OPCML: variants seen among roughly 807,000 people sequenced by gnomAD.
OPCML encodes opioid-binding protein/cell adhesion molecule.
In OPCML, 13 loss-of-function variants were observed where a neutral mutation model predicts 37.8. The observed-to-expected ratio is 0.34, with a 90% CI of 0.22 to 0.55. The LOEUF (loss-of-function observed/expected upper bound fraction) is 0.55, where lower values mean the gene tolerates loss of function less well. Among genes scored for constraint, OPCML ranks in the 20% least tolerant of loss-of-function variants. OPCML has a pLI of 0.91. For missense variants in OPCML, 341 were observed against 435.6 expected, an observed-to-expected ratio of 0.78 and a Z score of 1.93; for synonymous variants, 176 against 168.8, an observed-to-expected ratio of 1.04 and a Z score of -0.33.
intron 1 of OPCML, among the ~76,000 whole-genome samples, chr11:133,495,903 A>C (rs1947776140): frequency 6.6e-6 from 1 of 152,066 alleles, no homozygotes; most frequent in Non-Finnish European, 1.5e-5. Flanking sequence ...GCTTTTGTTT[A>C]ATTAGGTCCC....
At chr11:132,655,153 G>A (rs572877600) in intron 3 of OPCML, among the ~76,000 whole-genome samples, 7 of 152,332 alleles carry the variant, frequency 4.6e-5, no homozygotes, top group African/African-American at 1.4e-4. Flanking sequence ...AAAAGGGATA[G>A]GCTTGCTCTG....
chr11:132,982,015 C>T (rs1157584554), intron 1 of OPCML, among the ~76,000 whole-genome samples: 1 of 152,162 alleles, frequency 6.6e-6, no homozygotes, highest in African/African-American at 2.4e-5. Flanking sequence ...AAACCCAGAA[C>T]TCTTTCCAAT....
At chr11:133,329,486 A>G (rs1592206912) in intron 1 of OPCML, among the ~76,000 whole-genome samples, 1 of 152,202 alleles carries the variant, frequency 6.6e-6, no homozygotes, top group African/African-American at 2.4e-5. Context: ...CAAAACAGAG[A>G]TATAGACCAA....
At chr11:132,737,755 C>G (rs1006616516) in intron 2 of OPCML, among the ~76,000 whole-genome samples, 2 of 152,120 alleles carry the variant, frequency 1.3e-5, no homozygotes, top group Admixed American at 6.5e-5. Context: ...ACATTCTAAA[C>G]AGCAACAAAA....
chr11:132,961,546 G>C (rs1946093976), intron 1 of OPCML, among the ~76,000 whole-genome samples: 1 of 152,180 alleles, frequency 6.6e-6, no homozygotes, highest in African/African-American at 2.4e-5. Context: ...ACTGATGTGA[G>C]ATGTAATTCT....
Position 133,205,830 on chromosome 11 carries a change from AAG to A in OPCML, c.62-262822_62-262821del, listed in dbSNP as rs1474488021. On this transcript the variant is annotated intron_variant, in intron 1 of 7. Transcript: ENST00000524381. This position sits in a 1 kb window ranked among gnomAD's most constrained non-coding sequence, Gnocchi z 4.8. ...AGAGTAAAGCGCGGTGTGAATGAGC[AAG>A]AGTTTTGGATTCCAACAAGCCAGGG... Among the ~76,000 whole-genome samples the A allele has an allele frequency of 4.6e-5, 7 of 152,340 alleles. No homozygotes were observed. The highest frequency in any genetic ancestry group is 1.4e-4 in the African/African-American group (6 of 41,580).
Position 132,592,754 on chromosome 11 carries a change from A to G in OPCML, c.380-63568T>C, listed in dbSNP as rs528242704. Among the ~76,000 whole-genome samples the G allele has an allele frequency of 9.5e-4, 144 of 152,350 alleles. 3 individuals carry two copies. The South Asian group carries it at 0.029, about 31-fold the overall frequency. On this transcript the variant is annotated intron_variant, in intron 3 of 7. Coordinates refer to ENST00000524381, the MANE Select transcript of OPCML (RefSeq NM_001012393.5). ...CAAAAAAAGGAGTGGTCCAGAATGT[A>G]CAAAGATCAAAGGAAGACCCACCAA... is the stretch of plus-strand genomic sequence containing the variant.
chr11:132,420,561 G>T (rs963631425), intron 7 of OPCML, among the ~76,000 whole-genome samples: 23 of 152,200 alleles, frequency 1.5e-4, no homozygotes, highest in African/African-American at 5.3e-4. Context: ...AGGCCCGTGG[G>T]CCCAAAGGTT....
At chr11:132,668,743 A>G (rs1942330762) in intron 2 of OPCML, among the ~76,000 whole-genome samples, 1 of 152,188 alleles carries the variant, frequency 6.6e-6, no homozygotes, top group Non-Finnish European at 1.5e-5. Flanking sequence ...ATGTGGTATT[A>G]ATCAGAAATA....
chr11:132,652,095 C>T lies in OPCML; in HGVS notation c.379+4992G>A, dbSNP rs71485750. Among the ~76,000 whole-genome samples the T allele has an allele frequency of 3.3e-3, 500 of 152,256 alleles. 3 individuals are homozygous for T. The highest frequency in any genetic ancestry group is 6.0e-3 in the Non-Finnish European group (406 of 68,028). On this transcript the variant is annotated intron_variant, in intron 3 of 7. Transcript: ENST00000524381. ...GAAGAGCTCATGACAGTTAGAATGA[C>T]AATGAGATTCTGGATCCACAGAGGG...
chr11:133,017,118 G>C (rs1164465563), intron 1 of OPCML, among the ~76,000 whole-genome samples: 2 of 152,166 alleles, frequency 1.3e-5, no homozygotes, highest in Non-Finnish European at 2.9e-5. Context: ...TTGGCTTACA[G>C]ATAGCCATCA....
At chr11:133,105,023 A>G (rs1236618692) in intron 1 of OPCML, among the ~76,000 whole-genome samples, 1 of 152,256 alleles carries the variant, frequency 6.6e-6, no homozygotes, top group Non-Finnish European at 1.5e-5. Context: ...TAGATGTATA[A>G]TGAATTGTTA....
intron 1 of OPCML, among the ~76,000 whole-genome samples, chr11:133,413,221 G>A (rs931869279): frequency 6.6e-6 from 1 of 151,908 alleles, no homozygotes; most frequent in Admixed American, 6.6e-5. Context: ...CCGGGAGACC[G>A]AGGGGTAGGA....
intron 1 of OPCML, among the ~76,000 whole-genome samples, chr11:133,069,873 A>G (rs1044291667): frequency 6.6e-6 from 1 of 152,108 alleles, no homozygotes; most frequent in African/African-American, 2.4e-5. Context: ...GGGACACATG[A>G]ACGATTCTGG....
chr11:133,099,449 T>A (rs1188399615), intron 1 of OPCML, among the ~76,000 whole-genome samples: 4 of 145,088 alleles, frequency 2.8e-5, no homozygotes, highest in African/African-American at 1.1e-4. Flanking sequence ...TTTCTTTTTT[T>A]TTTTTTTTTT....
intron 4 of OPCML, among the ~76,000 whole-genome samples, chr11:132,443,702 C>T (rs887897101): frequency 2.0e-5 from 3 of 152,208 alleles, no homozygotes; most frequent in African/African-American, 4.8e-5. Context: ...CTGTCATGGA[C>T]ATCTGGAGTA....
intron 1 of OPCML, among the ~76,000 whole-genome samples, chr11:133,181,731 G>A (rs532102943): frequency 1.3e-5 from 2 of 152,250 alleles, no homozygotes; most frequent in African/African-American, 4.8e-5. Flanking sequence ...TAATCCATGT[G>A]CTCACATGTA....
chr11:132,893,379 C>G (rs1943725115), intron 2 of OPCML, among the ~76,000 whole-genome samples: 1 of 152,214 alleles, frequency 6.6e-6, no homozygotes, highest in Non-Finnish European at 1.5e-5. Context: ...CCGCCCCTGC[C>G]CCACCCCGGT....
intron 2 of OPCML, among the ~76,000 whole-genome samples, chr11:132,714,282 A>G (rs958607587): frequency 3.3e-5 from 5 of 152,250 alleles, no homozygotes; most frequent in African/African-American, 1.2e-4. Flanking sequence ...AATCTGAATA[A>G]AAAGCAATAC....
Sources: allele counts gnomAD v4.1 joint callset (sites outside exome capture counted in the v4.1 genomes callset), GRCh38; gene constraint gnomAD v4.1.1; non-coding constraint Gnocchi (gnomAD v3.1); transcripts MANE v1.5; gene names NCBI Gene and HGNC (gene_info 2026-07-23, HGNC 2026-07-21).